The following HMCN1 variants were observed in gnomAD, a reference collection of about 807,000 sequenced individuals.
The protein encoded by HMCN1 is hemicentin-1.
Under a neutral mutation model 625.9 loss-of-function variants are expected in HMCN1, and 321 were observed. The ratio of observed to expected loss-of-function variants is 0.51; its 90% CI spans 0.47 to 0.56. The LOEUF (loss-of-function observed/expected upper bound fraction) is 0.56, where lower values mean the gene tolerates loss of function less well. HMCN1 is among the 20% of genes least tolerant of loss of function. The pLI, the probability that HMCN1 is intolerant of heterozygous loss-of-function variation, is 0.00. For missense variants in HMCN1, 6,588 were observed against 6,887.3 expected (o/e 0.96, Z 1.54); for synonymous variants, 2,425 against 2,417.6 (o/e 1.00, Z -0.09).
At chr1:185,988,582 C>T (rs1652164328) in intron 20 of HMCN1, among the ~76,000 whole-genome samples, 1 of 152,178 alleles carries the variant, frequency 6.6e-6, no homozygotes, top group African/African-American at 2.4e-5. Context: ...CTGAACTGCG[C>T]AGTAACTAGC....
chr1:185,818,318 G>A (rs1374738238), intron 1 of HMCN1, among the ~76,000 whole-genome samples: 1 of 152,010 alleles, frequency 6.6e-6, no homozygotes, highest in Non-Finnish European at 1.5e-5. Flanking sequence ...TCATTGTATT[G>A]AGTTGAAATC....
At chr1:185,945,393 G>C (rs895835717) in intron 11 of HMCN1, among the ~76,000 whole-genome samples, 1 of 152,024 alleles carries the variant, frequency 6.6e-6, no homozygotes, top group African/African-American at 2.4e-5. Context: ...TGTCTTATTT[G>C]TTCATTTGTT....
chr1:185,988,872 A>C lies in HMCN1; in HGVS notation c.3049-616A>C, dbSNP rs535380496. 2.0e-4 allele frequency among the ~76,000 whole-genome samples: 31 copies of C among 152,270 alleles called. 2 individuals are homozygous for C. The South Asian group carries it at 6.4e-3, about 32-fold the overall frequency. On this transcript the variant is annotated intron_variant, in intron 20 of 106. Coordinates refer to ENST00000271588, the MANE Select transcript of HMCN1 (RefSeq NM_031935.3). ...AGTGTTAAAATTGTTAATTCAGGTA[A>C]AGTGCTCGAAACAGAGTCTGGCATA...
intron 4 of HMCN1, among the ~76,000 whole-genome samples, chr1:185,868,472 G>C (rs925889770): frequency 6.6e-6 from 1 of 152,088 alleles, no homozygotes; most frequent in African/African-American, 2.4e-5. Flanking sequence ...TCTCATGATA[G>C]TGAGTGAGCT....
At chr1:186,148,223 A>C (rs1488952110) in intron 93 of HMCN1, among the ~76,000 whole-genome samples, 1 of 152,202 alleles carries the variant, frequency 6.6e-6, no homozygotes, top group Non-Finnish European at 1.5e-5. Flanking sequence ...GTTTTATCAT[A>C]AGATTGTAGC....
chr1:186,174,493 T>G, intron 102 of HMCN1, 21 bp from the exon 103 acceptor site: 1 of 1,613,094 alleles, frequency 6.2e-7, no homozygotes, highest in African/African-American at 1.3e-5. Flanking sequence ...ATGTTACTTC[T>G]CATTGCCTCC....
chr1:186,135,021 G>A (rs904230138), intron 86 of HMCN1, among the ~76,000 whole-genome samples: 1 of 152,142 alleles, frequency 6.6e-6, no homozygotes, highest in South Asian at 2.1e-4. Context: ...CCATCTCCAT[G>A]TTGTGTCTTT....
In HMCN1 at chr1:186,187,969, A is replaced by G. The variant is rs1383440417; in HGVS notation, c.16501A>G (p.Thr5501Ala). 2 of 1,613,878 alleles carry G rather than the reference A, an allele frequency of 1.2e-6. No homozygotes were observed. Among genetic ancestry groups the G allele is most frequent in the Admixed American group, 1.7e-5 (1 of 59,998 alleles). ...NMRGSYQCID[T>A]PCPPNYQRDP... ...GAGAGGAAGCTACCAGTGCATCGATACACCCTGTCCACCCAACTACCAACG... is the reference window on the plus strand; with the variant it reads ...GAGAGGAAGCTACCAGTGCATCGATGCACCCTGTCCACCCAACTACCAACG... The change falls in exon 106 of 107, where the codon ACA becomes GCA. Residue 5501 changes from threonine to alanine, a missense_variant. Thr to Ala is a moderately conservative substitution (Grantham distance 58). This residue lies in a region of HMCN1 where 1,954 missense variants were observed against 2,013.1 expected (regional missense o/e 0.97). Transcript: ENST00000271588.
At chr1:186,056,883 C>T (rs1657363587) in intron 45 of HMCN1, among the ~76,000 whole-genome samples, 1 of 151,728 alleles carries the variant, frequency 6.6e-6, no homozygotes, top group Non-Finnish European at 1.5e-5. Context: ...ACATGAATCC[C>T]CTTAATCTAA....
intron 89 of HMCN1, among the ~76,000 whole-genome samples, chr1:186,138,821 C>A (rs1649780785): frequency 6.6e-6 from 1 of 152,206 alleles, no homozygotes. Flanking sequence ...TAATAGCCAT[C>A]TTGGGTGAAC....
chr1:186,039,090 A>G, intron 38 of HMCN1, 85 bp downstream of exon 38: 1 of 908,284 alleles, frequency 1.1e-6, no homozygotes, highest in Non-Finnish European at 1.9e-6. Context: ...TTGTGTAAGT[A>G]TTTAACAGAA....
chr1:186,063,066 G>GTATATATATATATATATA (rs1491400415), intron 48 of HMCN1, among the ~76,000 whole-genome samples: 24 of 29,932 alleles, frequency 8.0e-4, no homozygotes, highest in African/African-American at 1.6e-3. Context: ...GTGTGTGTGT[G>GTATATATATATATATATA]CATATATATA....
intron 56 of HMCN1, 54 bp downstream of exon 56, chr1:186,081,448 T>C: frequency 7.7e-7 from 1 of 1,291,092 alleles, no homozygotes; most frequent in Non-Finnish European, 1.1e-6. Flanking sequence ...TTGCACTTTG[T>C]AATAATTGTT....
At chr1:186,027,139 G>A (rs1383758980) in intron 36 of HMCN1, among the ~76,000 whole-genome samples, 1 of 152,152 alleles carries the variant, frequency 6.6e-6, no homozygotes, top group African/African-American at 2.4e-5. Flanking sequence ...TGTAGTAAGG[G>A]TGCCTGGTCT....
At chr1:186,065,596 AT>A (rs1558190537) in intron 49 of HMCN1, among the ~76,000 whole-genome samples, 167 bp downstream of exon 49, 1 of 152,204 alleles carries the variant, frequency 6.6e-6, no homozygotes, top group Non-Finnish European at 1.5e-5. Flanking sequence ...TTATAAATTA[AT>A]TTATGACATA....
In HMCN1 at chr1:185,759,353, T is replaced by A. The variant is rs192117777; in HGVS notation, c.268+24306T>A. 7.5e-4 allele frequency among the ~76,000 whole-genome samples: 114 copies of A among 152,292 alleles called. 1 individual carries two copies. The highest frequency in any genetic ancestry group is 3.5e-4 in the Non-Finnish European group (24 of 68,024). On this transcript the variant is annotated intron_variant, in intron 1 of 106. Transcript: ENST00000271588. Reference sequence around the variant, plus strand: ...TTCCTGGAATGTTAAGACGGGGACATTTTCATGAACTGGTTATTCTATTAG... The same window carrying A: ...TTCCTGGAATGTTAAGACGGGGACAATTTCATGAACTGGTTATTCTATTAG...
chr1:185,948,064 C>A (rs115440816), intron 11 of HMCN1, among the ~76,000 whole-genome samples: 1 of 152,246 alleles, frequency 6.6e-6, no homozygotes, highest in Non-Finnish European at 1.5e-5. Context: ...TATCAGCAGG[C>A]TCAATGATAG....
At chr1:186,023,244 G>T in intron 36 of HMCN1, 91 bp downstream of exon 36, 9 of 1,059,616 alleles carry the variant, frequency 8.5e-6, no homozygotes, top group East Asian at 2.7e-5. Flanking sequence ...CAGTATAAAA[G>T]AAACAGGTGT....
At chr1:186,095,604 T>C (rs1660099030) in intron 68 of HMCN1, 83 bp downstream of exon 68, 8 of 1,439,218 alleles carry the variant, frequency 5.6e-6, no homozygotes, top group African/African-American at 2.9e-5. Flanking sequence ...ATTCTGAGAA[T>C]CAGTTGCTGT....
Sources: allele counts gnomAD v4.1 joint callset (sites outside exome capture counted in the v4.1 genomes callset), GRCh38; gene constraint gnomAD v4.1.1; regional missense constraint gnomAD v4.1.1; transcripts MANE v1.5; gene names NCBI Gene and HGNC (gene_info 2026-07-23, HGNC 2026-07-21).